EYS: variants seen among roughly 807,000 people sequenced by gnomAD.
EYS encodes the protein EGF-like photoreceptor maintenance factor.
Under a neutral mutation model 282.1 loss-of-function variants are expected in EYS, and 250 were observed. The observed-to-expected ratio is 0.89, with a 90% CI of 0.80 to 0.98. EYS has a LOEUF of 0.98. Among genes scored for constraint, EYS ranks in the 50% least tolerant of loss-of-function variants. The pLI is 0.00. For missense variants in EYS, 4,016 were observed against 3,709.0 expected (o/e 1.08, Z -2.15); for synonymous variants, 1,355 against 1,282.9 (o/e 1.06, Z -1.20).
intron 13 of EYS, among the ~76,000 whole-genome samples, chr6:65,051,808 A>C: frequency 6.6e-6 from 1 of 151,558 alleles, no homozygotes; most frequent in Admixed American, 6.6e-5. Flanking sequence ...CAGAGAGTTG[A>C]ATCATACCTT....
intron 12 of EYS, among the ~76,000 whole-genome samples, chr6:65,263,642 A>C (rs1045960749): frequency 3.3e-5 from 5 of 152,048 alleles, no homozygotes; most frequent in Admixed American, 2.6e-4. Context: ...TAAGGGTAGC[A>C]AGTAGCTGAT....
chr6:64,307,183 G>A (rs1447924259), intron 29 of EYS, 101 bp from the exon 30 acceptor site: 5 of 604,114 alleles, frequency 8.3e-6, no homozygotes, highest in Non-Finnish European at 1.4e-5. Flanking sequence ...ACTGGATTTG[G>A]AGGCTGATTT....
intron 29 of EYS, among the ~76,000 whole-genome samples, chr6:64,332,228 G>A (rs1473082155): frequency 6.6e-6 from 1 of 152,044 alleles, no homozygotes; most frequent in East Asian, 1.9e-4. Flanking sequence ...AAATTAACCG[G>A]GTATTCACCC....
chr6:64,671,185 C>T (rs1769445539), intron 22 of EYS, among the ~76,000 whole-genome samples: 1 of 152,136 alleles, frequency 6.6e-6, no homozygotes, highest in Non-Finnish European at 1.5e-5. Flanking sequence ...CTGCCATGGT[C>T]TGAATGTTTG....
chr6:64,562,068 ATTC>A (rs1346184288), intron 26 of EYS, among the ~76,000 whole-genome samples: 3 of 151,936 alleles, frequency 2.0e-5, no homozygotes, highest in African/African-American at 7.2e-5. Flanking sequence ...ATGGAAACAC[ATTC>A]TTATTTGTTC....
At chr6:64,286,364 G>A (rs1768501042) in intron 30 of EYS, among the ~76,000 whole-genome samples, 1 of 152,100 alleles carries the variant, frequency 6.6e-6, no homozygotes, top group African/African-American at 2.4e-5. Context: ...TAATACAATG[G>A]TACCTGGTTT....
intron 33 of EYS, among the ~76,000 whole-genome samples, chr6:64,036,996 C>T (rs1770154893): frequency 1.3e-5 from 2 of 152,032 alleles, no homozygotes; most frequent in African/African-American, 4.8e-5. Context: ...TAAAATAATG[C>T]ATTATGTTTT....
At chr6:65,595,810 G>A (rs1291671729) in intron 2 of EYS, among the ~76,000 whole-genome samples, 1 of 151,976 alleles carries the variant, frequency 6.6e-6, no homozygotes, top group Non-Finnish European at 1.5e-5. Context: ...TCTGACTCTT[G>A]GTATTCCTAC....
At chr6:65,694,335 T>C (rs1378054790) in intron 1 of EYS, among the ~76,000 whole-genome samples, 5 of 149,860 alleles carry the variant, frequency 3.3e-5, no homozygotes, top group Non-Finnish European at 5.9e-5. Flanking sequence ...AGTATGTAAA[T>C]ATTTTTAAAT....
intron 40 of EYS, among the ~76,000 whole-genome samples, chr6:63,770,339 A>T (rs531126542): frequency 6.6e-6 from 1 of 152,182 alleles, no homozygotes; most frequent in Admixed American, 6.6e-5. Flanking sequence ...GTATATGTTG[A>T]GGCTGAGATA....
intron 12 of EYS, among the ~76,000 whole-genome samples, chr6:65,189,745 T>G (rs2150238756): frequency 6.6e-6 from 1 of 151,852 alleles, no homozygotes; most frequent in East Asian, 2.0e-4. Context: ...AAATTGAAAT[T>G]ACTCCCTAAG....
chr6:65,296,395 C>G (rs139764706), intron 11 of EYS, among the ~76,000 whole-genome samples: 61 of 151,908 alleles, frequency 4.0e-4, no homozygotes, highest in African/African-American at 1.2e-3. Context: ...GCTGGGATAA[C>G]ATCATGAACT....
intron 33 of EYS, among the ~76,000 whole-genome samples, chr6:64,029,558 G>A (rs1222745313): frequency 6.6e-6 from 1 of 152,200 alleles, no homozygotes; most frequent in African/African-American, 2.4e-5. Context: ...TTCTCCCAGA[G>A]GATGGGGAAC....
intron 5 of EYS, among the ~76,000 whole-genome samples, chr6:65,485,139 A>G (rs552087327): frequency 3.3e-4 from 51 of 152,346 alleles, no homozygotes; most frequent in South Asian, 6.2e-4. Context: ...TTGTTTCCCT[A>G]GAAAATCAAT....
intron 1 of EYS, among the ~76,000 whole-genome samples, chr6:65,646,131 C>G (rs929717815): frequency 9.2e-5 from 14 of 152,084 alleles, no homozygotes; most frequent in Admixed American, 8.5e-4. Context: ...TCTACTGATA[C>G]TATTCCACAA....
At chr6:64,907,983 C>G (rs1039625194) in intron 16 of EYS, among the ~76,000 whole-genome samples, 1 of 152,118 alleles carries the variant, frequency 6.6e-6, no homozygotes, top group African/African-American at 2.4e-5. Context: ...GCAACTGAGG[C>G]TTCATATGCT....
rs1327255704 is a variant in EYS at position 64,986,749 on chromosome 6, T to C, written c.2259+10833A>G. 5.3e-5 allele frequency among the ~76,000 whole-genome samples: 8 copies of C among 150,944 alleles called. 1 individual carries two copies. In the East Asian group the frequency reaches 1.6e-3, roughly 30 times the overall value. ...ACCATTTCATACTATTAATTTTAAA[T>C]TTTAGTTAAAATTGATGTATTTTAG... On this transcript the variant is annotated intron_variant, in intron 14 of 42. Coordinates refer to ENST00000503581, the MANE Select transcript of EYS (RefSeq NM_001142800.2).
At chr6:63,975,063 T>G (rs1469352272) in intron 35 of EYS, among the ~76,000 whole-genome samples, 1 of 151,476 alleles carries the variant, frequency 6.6e-6, no homozygotes, top group African/African-American at 2.4e-5. Context: ...CATCACTCCA[T>G]TTTCAGAAGA....
At chr6:64,773,378 G>T (rs1773583765) in intron 22 of EYS, among the ~76,000 whole-genome samples, 1 of 151,654 alleles carries the variant, frequency 6.6e-6, no homozygotes, top group Non-Finnish European at 1.5e-5. Context: ...CAGTCTACCA[G>T]TGATGAGCAC....
Sources: gnomAD v4.1 joint callset for allele counts (sites outside exome capture counted in the v4.1 genomes callset) on GRCh38, gnomAD v4.1.1 for gene constraint, MANE v1.5 for transcripts, NCBI Gene and HGNC (gene_info 2026-07-23, HGNC 2026-07-21) for gene names.